The following MDGA2 variants were observed in gnomAD, a reference collection of about 807,000 sequenced individuals.
MDGA2 encodes the protein MAM domain-containing glycosylphosphatidylinositol anchor protein 2.
A neutral mutation model predicts 117.8 loss-of-function variants in MDGA2; 40 were observed. The ratio of observed to expected loss-of-function variants is 0.34; its 90% confidence interval spans 0.26 to 0.44. MDGA2 has a LOEUF of 0.44. Ranked by LOEUF, MDGA2 falls within the 20% of genes least tolerant of loss-of-function variation. MDGA2 has a pLI of 1.00. For synonymous variants in MDGA2, 452 were observed against 439.0 expected, an observed-to-expected ratio of 1.03 and a Z score of -0.37; for missense variants, 1,123 against 1,250.6, an observed-to-expected ratio of 0.90 and a Z score of 1.54.
chr14:46,941,557 C>T (rs1290222365), intron 9 of MDGA2, among the ~76,000 whole-genome samples: 1 of 152,002 alleles, frequency 6.6e-6, no homozygotes, highest in East Asian at 1.9e-4. Context: ...AAACAGACAC[C>T]GGGAGGTTTG....
chr14:47,344,755 C>CA (rs60963279), intron 1 of MDGA2, among the ~76,000 whole-genome samples: 4 of 150,538 alleles, frequency 2.7e-5, no homozygotes, highest in African/African-American at 4.9e-5. Flanking sequence ...GAGTTACATG[C>CA]AAAAAAAAAT....
chr14:47,499,147 T>C (rs559265836), intron 1 of MDGA2, among the ~76,000 whole-genome samples: 9 of 152,272 alleles, frequency 5.9e-5, no homozygotes, highest in African/African-American at 1.9e-4. Flanking sequence ...TTCTTCCTAA[T>C]TATTTCAGCT....
chr14:46,919,936 A>G, intron 10 of MDGA2, 76 bp downstream of exon 10: 1 of 1,351,186 alleles, frequency 7.4e-7, no homozygotes, highest in Non-Finnish European at 9.9e-7. Flanking sequence ...TTCATGCAAA[A>G]CTCTTAGAAA....
intron 1 of MDGA2, among the ~76,000 whole-genome samples, chr14:47,322,825 A>G (rs879338152): frequency 3.9e-5 from 6 of 152,112 alleles, no homozygotes; most frequent in Admixed American, 3.9e-4. Flanking sequence ...GCCAAAATAC[A>G]AATGCAGGAA....
At chr14:47,069,466 AT>A (rs1238610472) in intron 6 of MDGA2, among the ~76,000 whole-genome samples, 1 of 152,190 alleles carries the variant, frequency 6.6e-6, no homozygotes, top group African/African-American at 2.4e-5. Flanking sequence ...TGAACAGTTC[AT>A]TTGAGTTCTA....
chr14:46,880,865 G>A (rs1306621070), intron 11 of MDGA2, among the ~76,000 whole-genome samples: 1 of 147,478 alleles, frequency 6.8e-6, no homozygotes, highest in African/African-American at 2.5e-5. Context: ...GTTTCTCTTT[G>A]AGATATTAAT....
chr14:47,342,376 A>G (rs1294703929), intron 1 of MDGA2, among the ~76,000 whole-genome samples: 1 of 150,970 alleles, frequency 6.6e-6, no homozygotes, highest in Non-Finnish European at 1.5e-5. Context: ...TCTATATGAA[A>G]TGAACAATAA....
intron 10 of MDGA2, among the ~76,000 whole-genome samples, chr14:46,907,231 GC>G (rs1883533942): frequency 6.6e-6 from 1 of 152,168 alleles, no homozygotes; most frequent in Non-Finnish European, 1.5e-5. Flanking sequence ...TCCTGCCTTG[GC>G]CTCCCAAAGT....
intron 7 of MDGA2, among the ~76,000 whole-genome samples, chr14:47,049,998 TTAGTCAAA>T (rs1889399244): frequency 6.6e-6 from 1 of 151,994 alleles, no homozygotes; most frequent in South Asian, 2.1e-4. Flanking sequence ...CTCCAATTCC[TTAGTCAAA>T]TAGGTCAGAA....
intron 1 of MDGA2, among the ~76,000 whole-genome samples, chr14:47,627,774 C>A (rs946538604): frequency 2.6e-5 from 4 of 152,180 alleles, no homozygotes; most frequent in Admixed American, 2.6e-4. Context: ...TTGTTCTTTG[C>A]AATAAATCTT....
intron 6 of MDGA2, among the ~76,000 whole-genome samples, chr14:47,088,946 A>G (rs1891009968): frequency 6.6e-6 from 1 of 152,206 alleles, no homozygotes; most frequent in African/African-American, 2.4e-5. Context: ...AGAACTTGAC[A>G]TTAAGTAAGA....
At chr14:47,578,603 A>T (rs1393741808) in intron 1 of MDGA2, among the ~76,000 whole-genome samples, 1 of 152,150 alleles carries the variant, frequency 6.6e-6, no homozygotes, top group African/African-American at 2.4e-5. Context: ...TGCTAGTTTT[A>T]CTAATTGTCT....
chr14:47,070,065 T>A (rs1201033531), intron 6 of MDGA2, among the ~76,000 whole-genome samples: 1 of 152,142 alleles, frequency 6.6e-6, no homozygotes, highest in African/African-American at 2.4e-5. Flanking sequence ...TCCTTTGTGT[T>A]ACAATCCAAT....
chr14:47,648,363 T>C (rs1456345864), intron 1 of MDGA2, among the ~76,000 whole-genome samples: 1 of 152,156 alleles, frequency 6.6e-6, no homozygotes, highest in Admixed American at 6.5e-5. Context: ...GTAAATGGTA[T>C]TATTATGGGC....
chr14:47,114,020 C>A (rs1566632333), intron 5 of MDGA2, among the ~76,000 whole-genome samples: 1 of 152,088 alleles, frequency 6.6e-6, no homozygotes, highest in Non-Finnish European at 1.5e-5. Context: ...ATCATCTCAC[C>A]CCTAATGCTT....
At chr14:47,198,096 C>G (rs562073029) in intron 3 of MDGA2, among the ~76,000 whole-genome samples, 1 of 152,036 alleles carries the variant, frequency 6.6e-6, no homozygotes, top group Non-Finnish European at 1.5e-5. Context: ...GTAATTATAT[C>G]TCTAGCTACA....
At chr14:47,252,762 G>A (rs1180541137) in intron 2 of MDGA2, among the ~76,000 whole-genome samples, 2 of 152,194 alleles carry the variant, frequency 1.3e-5, no homozygotes, top group African/African-American at 4.8e-5. Flanking sequence ...AAAGGTGAGA[G>A]TGATTTCTCA....
At chr14:47,290,932 G>GC (rs1364441263) in intron 2 of MDGA2, among the ~76,000 whole-genome samples, 1 of 152,134 alleles carries the variant, frequency 6.6e-6, no homozygotes, top group African/African-American at 2.4e-5. Flanking sequence ...AACAAAGGGA[G>GC]CATGTATCAA....
At chr14:47,268,157 C>T (rs1209003626) in intron 2 of MDGA2, among the ~76,000 whole-genome samples, 1 of 151,824 alleles carries the variant, frequency 6.6e-6, no homozygotes, top group Non-Finnish European at 1.5e-5. Context: ...ACTGCAACCT[C>T]CGCCTCCCTG....
Sources: allele counts gnomAD v4.1 joint callset (sites outside exome capture counted in the v4.1 genomes callset), GRCh38; gene constraint gnomAD v4.1.1; transcripts MANE v1.5; gene names NCBI Gene and HGNC (gene_info 2026-07-23, HGNC 2026-07-21).